The following ASIC5 variants were observed in gnomAD, a reference collection of about 807,000 sequenced individuals.
ASIC5 encodes the protein bile acid-sensitive ion channel.
In ASIC5, 52 loss-of-function variants were observed where a neutral mutation model predicts 51.2. That is an observed-to-expected ratio of 1.02 (90% CI 0.81 to 1.28). The LOEUF (loss-of-function observed/expected upper bound fraction) is 1.28, where lower values mean the gene tolerates loss of function less well. ASIC5 is among the 50% of genes most tolerant of loss of function. ASIC5 has a pLI of 0.00. For synonymous variants in ASIC5, 231 were observed against 200.7 expected (o/e 1.15, Z -1.28); for missense variants, 635 against 595.0 (o/e 1.07, Z -0.70).
intron 4 of ASIC5, among the ~76,000 whole-genome samples, chr4:155,847,156 A>T (rs929386913): frequency 2.6e-5 from 4 of 152,090 alleles, no homozygotes; most frequent in African/African-American, 9.7e-5. Context: ...TTTATTTTTT[A>T]AAAAACCAAA....
chr4:155,844,865 G>A (rs1018205075), intron 4 of ASIC5, among the ~76,000 whole-genome samples: 1 of 151,978 alleles, frequency 6.6e-6, no homozygotes, highest in Non-Finnish European at 1.5e-5. Context: ...CAGCTGGCAG[G>A]TGCATGTTAG....
Position 155,863,656 on chromosome 4 carries a change from A to T in ASIC5, c.139T>A (p.Phe47Ile). Residue 47 changes from phenylalanine to isoleucine, a missense_variant, in exon 2 of 10, where the codon TTT becomes ATT. Physicochemically the swap from Phe to Ile is conservative, Grantham distance 21. Coordinates refer to ENST00000537611, the MANE Select transcript of ASIC5 (RefSeq NM_017419.3). ...TGAACAATATTGTGTATCCCATGAAAGGAAGTGGAGATGGCAAAGTCATGG... is the reference window on the plus strand; with the variant it reads ...TGAACAATATTGTGTATCCCATGAATGGAAGTGGAGATGGCAAAGTCATGG... ...FDHDFAISTS[F>I]HGIHNIVQNR... The T allele has an allele frequency of 6.2e-7, 1 of 1,613,946 alleles. No homozygotes were observed. The highest frequency in any genetic ancestry group is 8.5e-7 in the Non-Finnish European group (1 of 1,179,924).
chr4:155,860,099 G>A (rs1464885411), intron 2 of ASIC5, among the ~76,000 whole-genome samples: 1 of 151,824 alleles, frequency 6.6e-6, no homozygotes, highest in Non-Finnish European at 1.5e-5. Flanking sequence ...CACATTTTGG[G>A]TTATTTGAAT....
intron 5 of ASIC5, 46 bp from the exon 6 acceptor site, chr4:155,842,400 A>T (rs1375996934): frequency 6.7e-7 from 1 of 1,482,410 alleles, no homozygotes; most frequent in Non-Finnish European, 9.1e-7. Context: ...GTTTACATCA[A>T]TTCACTTATT....
At chr4:155,832,240 T>C (rs928196452) in intron 8 of ASIC5, among the ~76,000 whole-genome samples, 1 of 152,242 alleles carries the variant, frequency 6.6e-6, no homozygotes, top group African/African-American at 2.4e-5. Flanking sequence ...GGTTCTGTCT[T>C]TTGTTACTTA....
intron 2 of ASIC5, among the ~76,000 whole-genome samples, chr4:155,856,641 T>C (rs1374049199): frequency 6.6e-6 from 1 of 152,070 alleles, no homozygotes; most frequent in Non-Finnish European, 1.5e-5. Flanking sequence ...CAAAAGTATT[T>C]CTTGGATCAT....
chr4:155,839,107 C>T (rs79569205), intron 6 of ASIC5, among the ~76,000 whole-genome samples: 1,815 of 152,206 alleles, frequency 0.012, 20 homozygotes, highest in Middle Eastern at 0.041. Context: ...TTCCATCTGT[C>T]TATATCACTC....
chr4:155,849,464 G>A (rs1479669525), intron 4 of ASIC5, among the ~76,000 whole-genome samples: 1 of 151,910 alleles, frequency 6.6e-6, no homozygotes, highest in South Asian at 2.1e-4. Context: ...AAATAATTTG[G>A]CAAAGTAAAA....
At chr4:155,851,580 TA>T (rs370144401) in intron 4 of ASIC5, among the ~76,000 whole-genome samples, 44 of 152,138 alleles carry the variant, frequency 2.9e-4, no homozygotes, top group African/African-American at 1.1e-3. Flanking sequence ...CAGAATTAAC[TA>T]ATCTTGGGTG....
chr4:155,855,509 T>C (rs1031768074), intron 2 of ASIC5, among the ~76,000 whole-genome samples: 1 of 151,964 alleles, frequency 6.6e-6, no homozygotes, highest in Admixed American at 6.6e-5. Flanking sequence ...AGGACTTTCA[T>C]ATTTTAGATA....
intron 8 of ASIC5, among the ~76,000 whole-genome samples, chr4:155,835,958 T>C (rs1203699802): frequency 6.6e-6 from 1 of 152,234 alleles, no homozygotes; most frequent in African/African-American, 2.4e-5. Flanking sequence ...TTTTAATAGA[T>C]ATAACTACAA....
chr4:155,843,510 G>A (rs1741167483), intron 5 of ASIC5, among the ~76,000 whole-genome samples, 171 bp downstream of exon 5: 2 of 152,036 alleles, frequency 1.3e-5, no homozygotes, highest in African/African-American at 4.8e-5. Context: ...CATAGTTTCT[G>A]TTTCCACTAA....
chr4:155,843,018 C>T (rs558439735), intron 5 of ASIC5, among the ~76,000 whole-genome samples: 1 of 152,172 alleles, frequency 6.6e-6, no homozygotes, highest in East Asian at 1.9e-4. Flanking sequence ...ACCCCTTCCT[C>T]CCAATGTGCA....
intron 8 of ASIC5, among the ~76,000 whole-genome samples, chr4:155,835,211 T>C (rs1329584322): frequency 6.6e-6 from 1 of 152,054 alleles, no homozygotes; most frequent in Non-Finnish European, 1.5e-5. Flanking sequence ...TTTGTAACCC[T>C]AGGGTTGCAG....
chr4:155,854,714 G>A (rs536166853), intron 2 of ASIC5: 1 of 177,346 alleles, frequency 5.6e-6, no homozygotes, highest in East Asian at 1.6e-4. Context: ...GTATATATGT[G>A]AGTTTCACTG....
chr4:155,861,629 T>C (rs1741708144), intron 2 of ASIC5, among the ~76,000 whole-genome samples: 1 of 152,020 alleles, frequency 6.6e-6, no homozygotes, highest in Non-Finnish European at 1.5e-5. Context: ...TCTGATAACC[T>C]TTGCCTTTCA....
At position 155,838,754 on chromosome 4, in the gene ASIC5, ATAT is replaced by A; in HGVS notation, c.1066+56_1066+58del. ...TATCCATAGTTTGACTTAATGTCTT[ATAT>A]TACTTTGAGCAACTTTAATATAAAT... is the stretch of plus-strand genomic sequence containing the variant. On this transcript the variant is annotated intron_variant, in intron 7 of 9. Coordinates refer to ENST00000537611, the MANE Select transcript of ASIC5 (RefSeq NM_017419.3). 4.9e-6 allele frequency: 5 copies of A among 1,019,088 alleles called. No homozygotes were observed. In the South Asian group the frequency reaches 6.9e-5, roughly 14 times the overall value. The allele number at this position is 1,019,088 out of a possible 1,614,324, so 63.1% of individuals were successfully genotyped here.
Position 155,829,773 on chromosome 4 carries a change from A to G in ASIC5, c.*83T>C, listed in dbSNP as rs1740831815. On this transcript the variant is annotated 3_prime_UTR_variant, in exon 10 of 10. Coordinates refer to ENST00000537611, the MANE Select transcript of ASIC5 (RefSeq NM_017419.3). ...TGGCTTTTATCGAACTCTCAAAACT[A>G]TAGAAAAGTGACGTAACAATGAATT... The G allele has an allele frequency of 2.3e-6, 2 of 863,892 alleles. No individual in the cohort carries two copies. Among genetic ancestry groups the G allele is most frequent in the Non-Finnish European group, 1.7e-6 (1 of 583,122 alleles). 53.5% of individuals were successfully genotyped at this position (863,892 alleles called of 1,614,324 possible).
At chr4:155,836,945 T>C in intron 7 of ASIC5, 88 bp from the exon 8 acceptor site, 1 of 1,019,690 alleles carries the variant, frequency 9.8e-7, no homozygotes, top group Middle Eastern at 2.2e-4. Context: ...CATTTCACTT[T>C]CAATATTAAA....
Sources: gnomAD v4.1 joint callset for allele counts (sites outside exome capture counted in the v4.1 genomes callset) on GRCh38, gnomAD v4.1.1 for gene constraint, MANE v1.5 for transcripts, NCBI Gene and HGNC (gene_info 2026-07-23, HGNC 2026-07-21) for gene names.